TRAPPC9: variants seen among roughly 807,000 people sequenced by gnomAD.
TRAPPC9 encodes trafficking protein particle complex subunit 9.
A neutral mutation model predicts 124.0 loss-of-function variants in TRAPPC9; 83 were observed. The observed-to-expected ratio is 0.67, with a 90% CI of 0.56 to 0.80. TRAPPC9 has a LOEUF of 0.80. Ranked by LOEUF, TRAPPC9 falls within the 30% of genes least tolerant of loss-of-function variation. The pLI, the probability that TRAPPC9 is intolerant of heterozygous loss-of-function variation, is 0.00. For synonymous variants in TRAPPC9, 638 were observed against 617.5 expected (o/e 1.03, Z -0.49); for missense variants, 1,302 against 1,508.3 (o/e 0.86, Z 2.27).
At chr8:140,091,411 G>C (rs373876588) in intron 17 of TRAPPC9, among the ~76,000 whole-genome samples, 3 of 152,164 alleles carry the variant, frequency 2.0e-5, no homozygotes, top group Admixed American at 6.5e-5. Flanking sequence ...AGGGGTCTCC[G>C]TTTCATGCTC....
intron 21 of TRAPPC9, among the ~76,000 whole-genome samples, chr8:139,801,208 G>T (rs1482085263): frequency 6.6e-6 from 1 of 152,254 alleles, no homozygotes; most frequent in East Asian, 1.9e-4. Flanking sequence ...ATGAGGGTGG[G>T]GACAGACCAC....
At chr8:140,049,137 G>A (rs894013904) in intron 17 of TRAPPC9, among the ~76,000 whole-genome samples, 1 of 152,078 alleles carries the variant, frequency 6.6e-6, no homozygotes, top group African/African-American at 2.4e-5. Context: ...GGACTCTCTT[G>A]CTATATAGAT....
intron 9 of TRAPPC9, among the ~76,000 whole-genome samples, chr8:140,332,205 A>C (rs781704649): frequency 1.3e-5 from 2 of 152,246 alleles, no homozygotes; most frequent in Non-Finnish European, 2.9e-5. Context: ...CCTAAAGGGC[A>C]TTATGTTAAG....
Position 140,124,658 on chromosome 8 carries a change from A to C in TRAPPC9, c.2556+96801T>G, listed in dbSNP as rs989071479. ...CAAGCCTGACACCACGCAGGCAGGG[A>C]AGCACAGCCCCTCACAGGAAGACCC... On this transcript the variant is annotated intron_variant, in intron 17 of 22. Coordinates refer to ENST00000438773, the MANE Select transcript of TRAPPC9 (RefSeq NM_001160372.4). Among the ~76,000 whole-genome samples, 9 of 152,242 alleles carry C rather than the reference A, an allele frequency of 5.9e-5. No individual in the cohort carries two copies. In the East Asian group the frequency reaches 1.6e-3, roughly 26 times the overall value.
chr8:140,093,683 A>G (rs1844729952), intron 17 of TRAPPC9, among the ~76,000 whole-genome samples: 1 of 152,008 alleles, frequency 6.6e-6, no homozygotes, highest in Non-Finnish European at 1.5e-5. Context: ...AAAAAAAAAA[A>G]AAGACTTCAG....
intron 17 of TRAPPC9, among the ~76,000 whole-genome samples, chr8:140,109,342 C>G (rs1351303849): frequency 6.6e-6 from 1 of 152,066 alleles, no homozygotes; most frequent in African/African-American, 2.4e-5. Flanking sequence ...ATAGGGCACT[C>G]TGGTAATAAC....
At chr8:139,829,321 C>T (rs529581024) in intron 21 of TRAPPC9, among the ~76,000 whole-genome samples, 17 of 152,360 alleles carry the variant, frequency 1.1e-4, no homozygotes, top group Admixed American at 3.3e-4. Flanking sequence ...ACTGTGCAGA[C>T]AAACAGGAGG....
At chr8:140,285,703 CT>C (rs367637987) in intron 13 of TRAPPC9, among the ~76,000 whole-genome samples, 151 of 152,190 alleles carry the variant, frequency 9.9e-4, no homozygotes, top group African/African-American at 3.4e-3. Flanking sequence ...TTTCTGCCCC[CT>C]GTGGACTCCC....
intron 21 of TRAPPC9, among the ~76,000 whole-genome samples, chr8:139,734,748 C>G (rs1466899553): frequency 2.6e-5 from 4 of 152,250 alleles, no homozygotes; most frequent in Admixed American, 2.6e-4. Flanking sequence ...GAACGCTCAG[C>G]CAAGAGCTGG....
intron 19 of TRAPPC9, among the ~76,000 whole-genome samples, chr8:139,940,634 C>T (rs1055721041): frequency 2.6e-5 from 4 of 152,108 alleles, no homozygotes; most frequent in Non-Finnish European, 4.4e-5. Flanking sequence ...GCAGGGGCCA[C>T]GCTCCAGCTA....
intron 17 of TRAPPC9, among the ~76,000 whole-genome samples, chr8:140,199,161 C>T (rs2062730584): frequency 6.6e-6 from 1 of 152,114 alleles, no homozygotes; most frequent in Non-Finnish European, 1.5e-5. Context: ...GCTTCTTGCA[C>T]GTGAACATGC....
intron 17 of TRAPPC9, among the ~76,000 whole-genome samples, chr8:140,161,594 T>C (rs908660457): frequency 1.3e-5 from 2 of 152,150 alleles, no homozygotes; most frequent in Non-Finnish European, 2.9e-5. Context: ...TTGACTGCAT[T>C]TTGACTGTGA....
In TRAPPC9 at chr8:140,455,459, T is replaced by C. The variant is rs933077191; in HGVS notation, c.-11+2180A>G. On this transcript the variant is annotated intron_variant, in intron 1 of 22. Transcript: ENST00000438773. The stretch of plus-strand genomic sequence containing the variant: ...GTTTGTTTGTTGTTTTGAGATGGAG[T>C]CTCACTCTGTCGCCAGGCTGGAAAG... 2.7e-5 allele frequency among the ~76,000 whole-genome samples: 4 copies of C among 147,644 alleles called. No individual in the cohort carries two copies. The Admixed American group carries it at 2.8e-4, about 10-fold the overall frequency.
intron 11 of TRAPPC9, among the ~76,000 whole-genome samples, chr8:140,299,916 T>C (rs1235835812): frequency 6.6e-6 from 1 of 152,294 alleles, no homozygotes; most frequent in East Asian, 1.9e-4. Context: ...CACCCTCCAC[T>C]CAGTCCTGAA....
chr8:140,202,317 C>A (rs1223769579), intron 17 of TRAPPC9, among the ~76,000 whole-genome samples: 3 of 152,134 alleles, frequency 2.0e-5, no homozygotes, highest in African/African-American at 7.2e-5. Flanking sequence ...ATCCATGCAT[C>A]CACCATGATA....
chr8:140,143,479 C>T (rs558452464), intron 17 of TRAPPC9, among the ~76,000 whole-genome samples: 3 of 152,212 alleles, frequency 2.0e-5, no homozygotes, highest in Admixed American at 6.5e-5. Context: ...CAGAAAAATG[C>T]GTAACACATG....
chr8:139,788,200 G>A lies in TRAPPC9; in HGVS notation c.3056-55998C>T, dbSNP rs1055072784. Among the ~76,000 whole-genome samples the A allele has an allele frequency of 2.6e-5, 4 of 152,310 alleles. No individual in the cohort carries two copies. The highest frequency in any genetic ancestry group is 2.9e-5 in the Non-Finnish European group (2 of 68,026). On this transcript the variant is annotated intron_variant, in intron 21 of 22. Coordinates refer to ENST00000438773, the MANE Select transcript of TRAPPC9 (RefSeq NM_001160372.4). The surrounding 1 kb of genome is among the most constrained non-coding windows in gnomAD (Gnocchi z 4.9). ...CAAAAACCCACATGCCCCTCTTGGC[G>A]CCTGGCAGGGCAGCCCCTCCTGTGG... is the stretch of plus-strand genomic sequence containing the variant.
chr8:140,223,503 G>A (rs569743934), intron 16 of TRAPPC9, among the ~76,000 whole-genome samples: 59 of 152,202 alleles, frequency 3.9e-4, no homozygotes, highest in African/African-American at 1.4e-3. Flanking sequence ...GATCCTTTTC[G>A]CTTTAACACA....
chr8:139,807,366 C>T (rs747766531), intron 21 of TRAPPC9, among the ~76,000 whole-genome samples: 4 of 152,154 alleles, frequency 2.6e-5, no homozygotes, highest in Non-Finnish European at 4.4e-5. Context: ...AGGGGCAAAG[C>T]GGACAGCTGG....
Sources: gnomAD v4.1 joint callset for allele counts (sites outside exome capture counted in the v4.1 genomes callset) on GRCh38, gnomAD v4.1.1 for gene constraint, Gnocchi (gnomAD v3.1) non-coding constraint, MANE v1.5 for transcripts, NCBI Gene and HGNC (gene_info 2026-07-23, HGNC 2026-07-21) for gene names.